Variants in EXOC6B observed in about 807,000 individuals in gnomAD.
EXOC6B encodes the protein exocyst complex component 6B.
A neutral mutation model predicts 113.5 loss-of-function variants in EXOC6B; 54 were observed. The ratio of observed to expected loss-of-function variants is 0.48; its 90% CI spans 0.38 to 0.60. The LOEUF (loss-of-function observed/expected upper bound fraction) is 0.60. Among genes scored for constraint, EXOC6B ranks in the 20% least tolerant of loss-of-function variants. EXOC6B has a pLI of 0.00. For synonymous variants in EXOC6B, 357 were observed against 339.0 expected, an observed-to-expected ratio of 1.05 and a Z score of -0.58; for missense variants, 797 against 977.5, an observed-to-expected ratio of 0.82 and a Z score of 2.46.
At chr2:72,809,907 A>G (rs1685787411) in intron 1 of EXOC6B, among the ~76,000 whole-genome samples, 1 of 152,216 alleles carries the variant, frequency 6.6e-6, no homozygotes, top group Admixed American at 6.5e-5. Context: ...TTTACTCAAT[A>G]TTTATAAAAC....
chr2:72,691,975 C>T (rs1311971192), intron 6 of EXOC6B, among the ~76,000 whole-genome samples: 7 of 151,994 alleles, frequency 4.6e-5, no homozygotes, highest in Admixed American at 1.3e-4. Context: ...TTTGCCACTG[C>T]GCCCAGCCCC....
intron 18 of EXOC6B, among the ~76,000 whole-genome samples, chr2:72,439,611 G>A (rs189402042): frequency 2.0e-5 from 3 of 152,206 alleles, no homozygotes; most frequent in East Asian, 1.9e-4. Flanking sequence ...TTGTCTGTTC[G>A]CTCCTGCAAT....
At chr2:72,339,811 G>C (rs146944831) in intron 19 of EXOC6B, among the ~76,000 whole-genome samples, 7 of 152,182 alleles carry the variant, frequency 4.6e-5, no homozygotes, top group South Asian at 2.1e-4. Flanking sequence ...AGGAAAGAAG[G>C]TATATTGTCA....
intron 20 of EXOC6B, among the ~76,000 whole-genome samples, chr2:72,325,497 T>A (rs1490175707): frequency 6.6e-6 from 1 of 151,906 alleles, no homozygotes; most frequent in African/African-American, 2.4e-5. Context: ...AGCCTGGTGT[T>A]TTATCTCCTG....
chr2:72,308,320 T>G (rs1314385820), intron 20 of EXOC6B, among the ~76,000 whole-genome samples: 1 of 152,188 alleles, frequency 6.6e-6, no homozygotes, highest in East Asian at 1.9e-4. Context: ...GTCATAAATT[T>G]ATGACATTAT....
At chr2:72,373,096 G>A (rs1262327342) in intron 19 of EXOC6B, among the ~76,000 whole-genome samples, 3 of 141,394 alleles carry the variant, frequency 2.1e-5, no homozygotes, top group South Asian at 2.2e-4. Context: ...ATGGAGTCTC[G>A]CTGCAATGCC....
In EXOC6B at chr2:72,825,685, C is replaced by G; in HGVS notation, c.113+113G>C. 1 of 1,307,618 alleles carries G rather than the reference C, an allele frequency of 7.6e-7. No individual in the cohort carries two copies. Among genetic ancestry groups the G allele is most frequent in the South Asian group, 1.7e-5 (1 of 58,120 alleles). 81.0% of individuals were successfully genotyped at this position (1,307,618 alleles called of 1,614,324 possible). ...CCTCGCCCGGTATGCAGGGTCTCTC[C>G]GAAGGGAGGGGCCGGCGCCGGACCT... is the stretch of plus-strand genomic sequence containing the variant. On this transcript the variant is annotated intron_variant, in intron 1 of 21. Coordinates refer to ENST00000272427, the MANE Select transcript of EXOC6B (RefSeq NM_015189.3). This position sits in a 1 kb window ranked among gnomAD's most constrained non-coding sequence, Gnocchi z 4.4.
chr2:72,379,193 A>C (rs1691534966), intron 19 of EXOC6B, among the ~76,000 whole-genome samples: 1 of 152,208 alleles, frequency 6.6e-6, no homozygotes, highest in Non-Finnish European at 1.5e-5. Flanking sequence ...CCATAATGAC[A>C]TCACTGAGCA....
At chr2:72,458,967 C>T (rs1280387617) in intron 18 of EXOC6B, among the ~76,000 whole-genome samples, 2 of 152,102 alleles carry the variant, frequency 1.3e-5, no homozygotes, top group Admixed American at 6.6e-5. Flanking sequence ...ATCACCTCCA[C>T]ATACCCCCAG....
intron 18 of EXOC6B, among the ~76,000 whole-genome samples, chr2:72,404,482 C>T (rs946099104): frequency 6.6e-6 from 1 of 152,190 alleles, no homozygotes; most frequent in African/African-American, 2.4e-5. Flanking sequence ...TGACACCTCA[C>T]ATGGCCTGGT....
intron 20 of EXOC6B, among the ~76,000 whole-genome samples, chr2:72,223,841 C>A (rs1041287718): frequency 4.6e-5 from 7 of 152,194 alleles, no homozygotes; most frequent in African/African-American, 1.7e-4. Context: ...TTTGTCTTGT[C>A]TGACCACCTT....
chr2:72,541,380 C>T (rs1702593577), intron 8 of EXOC6B, among the ~76,000 whole-genome samples: 2 of 152,120 alleles, frequency 1.3e-5, no homozygotes, highest in South Asian at 4.1e-4. Context: ...TCTTCCTCCC[C>T]TTATTTCCTT....
chr2:72,365,454 C>T (rs1164738942), intron 19 of EXOC6B, among the ~76,000 whole-genome samples: 1 of 152,042 alleles, frequency 6.6e-6, no homozygotes, highest in Non-Finnish European at 1.5e-5. Context: ...ATACTGAGAG[C>T]AGGAGAGCAA....
chr2:72,410,738 TAA>T (rs781565264), intron 18 of EXOC6B, among the ~76,000 whole-genome samples: 6 of 152,332 alleles, frequency 3.9e-5, no homozygotes, highest in African/African-American at 1.2e-4. Context: ...TATTTATATT[TAA>T]GTTATAAATT....
chr2:72,398,289 C>G (rs1449025408), intron 18 of EXOC6B, among the ~76,000 whole-genome samples: 1 of 152,164 alleles, frequency 6.6e-6, no homozygotes, highest in East Asian at 1.9e-4. Flanking sequence ...GGGTTTCAAG[C>G]CTGCCAGTGT....
chr2:72,493,732 GT>G (rs1177990747), intron 15 of EXOC6B, among the ~76,000 whole-genome samples: 1 of 152,052 alleles, frequency 6.6e-6, no homozygotes, highest in East Asian at 1.9e-4. Flanking sequence ...CAAAAAGAAA[GT>G]TTTACGTATT....
At chr2:72,312,527 TC>T (rs1402998497) in intron 20 of EXOC6B, among the ~76,000 whole-genome samples, 1 of 152,048 alleles carries the variant, frequency 6.6e-6, no homozygotes, top group Non-Finnish European at 1.5e-5. Context: ...GGTGAAACCA[TC>T]TTTAAAGAGG....
chr2:72,389,884 A>G (rs1366156549), intron 18 of EXOC6B, among the ~76,000 whole-genome samples: 1 of 152,134 alleles, frequency 6.6e-6, no homozygotes, highest in Non-Finnish European at 1.5e-5. Flanking sequence ...TATTTCTTCA[A>G]ATACTTTACC....
At chr2:72,213,131 C>T (rs1245910222) in intron 20 of EXOC6B, among the ~76,000 whole-genome samples, 1 of 152,200 alleles carries the variant, frequency 6.6e-6, no homozygotes, top group Non-Finnish European at 1.5e-5. Flanking sequence ...GAAGGTTAAG[C>T]TAGCCATCTG....
Sources: gnomAD v4.1 joint callset for allele counts (sites outside exome capture counted in the v4.1 genomes callset) on GRCh38, gnomAD v4.1.1 for gene constraint, Gnocchi (gnomAD v3.1) non-coding constraint, MANE v1.5 for transcripts, NCBI Gene and HGNC (gene_info 2026-07-23, HGNC 2026-07-21) for gene names.